The following FNDC3B variants were observed in gnomAD, a reference collection of about 807,000 sequenced individuals.
FNDC3B encodes the protein fibronectin type III domain-containing protein 3B.
Under a neutral mutation model 151.5 loss-of-function variants are expected in FNDC3B, and 12 were observed. The observed-to-expected ratio is 0.08, with a 90% CI of 0.05 to 0.13. The LOEUF (loss-of-function observed/expected upper bound fraction) is 0.13. Among genes scored for constraint, FNDC3B ranks in the 10% least tolerant of loss-of-function variants. The pLI, the probability that FNDC3B is intolerant of heterozygous loss-of-function variation, is 1.00. For missense variants in FNDC3B, 1,214 were observed against 1,505.3 expected (o/e 0.81, Z 3.20); for synonymous variants, 528 against 549.0 (o/e 0.96, Z 0.54).
chr3:172,342,489 TA>T (rs1689291830), intron 17 of FNDC3B, among the ~76,000 whole-genome samples: 1 of 152,204 alleles, frequency 6.6e-6, no homozygotes, highest in Non-Finnish European at 1.5e-5. Context: ...TCCATACCAC[TA>T]GCCTTACGCA....
chr3:172,143,146 T>TGG (rs1367513798), intron 3 of FNDC3B, among the ~76,000 whole-genome samples: 6 of 152,170 alleles, frequency 3.9e-5, no homozygotes, highest in Non-Finnish European at 8.8e-5. Flanking sequence ...CTGCTGAAGA[T>TGG]AAAATGATGG....
At chr3:172,147,989 C>T (rs763983670) in intron 3 of FNDC3B, among the ~76,000 whole-genome samples, 3 of 151,890 alleles carry the variant, frequency 2.0e-5, no homozygotes, top group Non-Finnish European at 4.4e-5. Context: ...ATTTTTCCTC[C>T]CTTTTCTACA....
chr3:172,235,628 G>C (rs568468240), intron 4 of FNDC3B, among the ~76,000 whole-genome samples: 1 of 152,294 alleles, frequency 6.6e-6, no homozygotes, highest in Admixed American at 6.5e-5. Context: ...GCTCTACCCT[G>C]TACAGCTACA....
chr3:172,357,671 G>C (rs1734159585), intron 22 of FNDC3B, among the ~76,000 whole-genome samples: 1 of 151,884 alleles, frequency 6.6e-6, no homozygotes, highest in South Asian at 2.1e-4. Flanking sequence ...CCTGTGCTCA[G>C]AGGCCTTAAT....
At chr3:172,203,302 T>G (rs558130426) in intron 3 of FNDC3B, among the ~76,000 whole-genome samples, 25 of 152,264 alleles carry the variant, frequency 1.6e-4, no homozygotes, top group Non-Finnish European at 2.9e-4. Flanking sequence ...AATGTCATTC[T>G]GATGGGTTTC....
chr3:172,186,911 T>C (rs9866716), intron 3 of FNDC3B: 2 of 540,630 alleles, frequency 3.7e-6, no homozygotes, highest in South Asian at 5.2e-5. Context: ...AAAGTAAAAT[T>C]ACCATCAACA....
intron 23 of FNDC3B, among the ~76,000 whole-genome samples, chr3:172,366,952 G>C (rs560335660): frequency 6.6e-6 from 1 of 152,248 alleles, no homozygotes; most frequent in South Asian, 2.1e-4. Flanking sequence ...TTCAGACCTG[G>C]TGCTTTCTTT....
intron 1 of FNDC3B, among the ~76,000 whole-genome samples, chr3:172,074,017 G>C (rs1717897499): frequency 1.3e-5 from 2 of 152,188 alleles, no homozygotes; most frequent in African/African-American, 4.8e-5. Context: ...CTTCAAGAAA[G>C]GGATGCAACA....
chr3:172,254,564 G>A (rs1308998448), intron 6 of FNDC3B, among the ~76,000 whole-genome samples: 2 of 152,128 alleles, frequency 1.3e-5, no homozygotes, highest in Non-Finnish European at 2.9e-5. Flanking sequence ...AATGAGTCCT[G>A]TTTTCTTAAT....
intron 1 of FNDC3B, among the ~76,000 whole-genome samples, chr3:172,066,267 C>G (rs958336600): frequency 5.3e-5 from 8 of 152,052 alleles, no homozygotes; most frequent in African/African-American, 1.9e-4. Context: ...AGCAGTGAGG[C>G]GATAATGATA....
chr3:172,079,439 C>T (rs941657620), intron 1 of FNDC3B, among the ~76,000 whole-genome samples: 2 of 152,144 alleles, frequency 1.3e-5, no homozygotes, highest in African/African-American at 4.8e-5. Context: ...TCAGGAAGAA[C>T]AAACTGGCAA....
chr3:172,341,359 G>A, intron 17 of FNDC3B, 128 bp downstream of exon 17: 7 of 738,056 alleles, frequency 9.5e-6, no homozygotes, highest in Admixed American at 5.8e-5. Flanking sequence ...ATCATGTCAG[G>A]AAATGAAAAA....
At chr3:172,083,764 A>G (rs985916493) in intron 1 of FNDC3B, among the ~76,000 whole-genome samples, 103 of 152,284 alleles carry the variant, frequency 6.8e-4, no homozygotes, top group Non-Finnish European at 1.4e-3. Context: ...TACGATTTCA[A>G]GATGTGGTCA....
chr3:172,291,812 G>A (rs753627141), intron 7 of FNDC3B, among the ~76,000 whole-genome samples: 11 of 152,172 alleles, frequency 7.2e-5, no homozygotes, highest in South Asian at 6.2e-4. Flanking sequence ...CAGATTAGCC[G>A]TGCCCTAGTT....
chr3:172,400,999 T>C lies in FNDC3B; in HGVS notation c.*3524T>C, dbSNP rs1431438160. On this transcript the variant is annotated 3_prime_UTR_variant, in exon 26 of 26. Coordinates refer to ENST00000415807, the MANE Select transcript of FNDC3B (RefSeq NM_022763.4). The stretch of plus-strand genomic sequence containing the variant: ...GTGCAGTGACCCAATCTCGGCTCAC[T>C]GCAAGCTCCACCTCCCGGGTTCATG... 2.0e-5 allele frequency: 3 copies of C among 149,342 alleles called. No individual in the cohort carries two copies. The highest frequency in any genetic ancestry group is 6.8e-5 in the Admixed American group (1 of 14,764). 9.3% of individuals were successfully genotyped at this position (149,342 alleles called of 1,614,324 possible). A position where few individuals can be genotyped will look rare whatever the true frequency, so the allele number is the denominator to read the frequency against.
intron 15 of FNDC3B, 25 bp downstream of exon 15, chr3:172,335,107 GTTT>G: frequency 7.4e-5 from 97 of 1,316,808 alleles, no homozygotes; most frequent in Middle Eastern, 2.3e-4. Flanking sequence ...TGCTGCTACT[GTTT>G]TTTTTTTTTT....
At chr3:172,128,993 A>G (rs1720938759) in intron 2 of FNDC3B, among the ~76,000 whole-genome samples, 1 of 152,094 alleles carries the variant, frequency 6.6e-6, no homozygotes. Context: ...TTTGGGAGAC[A>G]GTCTTGCTCT....
In FNDC3B at chr3:172,352,589, G is replaced by A. The variant is rs1733909827; in HGVS notation, c.2515-214G>A. Among the ~76,000 whole-genome samples the A allele has an allele frequency of 6.6e-6, 1 of 152,146 alleles. No homozygotes were observed. ...TTTTAAATTATTTGTCATAAGAAACGATGGTGGCCATATTTTGCTTTAATA... is the reference window on the plus strand; with the variant it reads ...TTTTAAATTATTTGTCATAAGAAACAATGGTGGCCATATTTTGCTTTAATA... On this transcript the variant is annotated intron_variant, in intron 21 of 25. Transcript: ENST00000415807. The surrounding 1 kb of genome is among the most constrained non-coding windows in gnomAD (Gnocchi z 4.2).
chr3:172,191,320 C>T (rs1215393962), intron 3 of FNDC3B, among the ~76,000 whole-genome samples: 2 of 152,152 alleles, frequency 1.3e-5, no homozygotes, highest in South Asian at 2.1e-4. Flanking sequence ...ATGTATTAAA[C>T]ATTTGCTTCG....
Sources: gnomAD v4.1 joint callset for allele counts (sites outside exome capture counted in the v4.1 genomes callset) on GRCh38, gnomAD v4.1.1 for gene constraint, Gnocchi (gnomAD v3.1) non-coding constraint, MANE v1.5 for transcripts, NCBI Gene and HGNC (gene_info 2026-07-23, HGNC 2026-07-21) for gene names.